Variants in AFG2A observed in about 807,000 individuals in gnomAD.
AFG2A encodes the protein AAA ATPase AFG2A.
the AFG2A span, among the ~76,000 whole-genome samples, chr4:123,000,393 G>C: frequency 2.0e-5 from 3 of 151,824 alleles, no homozygotes; most frequent in Non-Finnish European, 2.9e-5. Flanking sequence ...AGTTTTCAAA[G>C]GGAATGCTTC....
At chr4:122,988,309 T>C in the AFG2A span, among the ~76,000 whole-genome samples, 3 of 151,472 alleles carry the variant, frequency 2.0e-5, no homozygotes, top group African/African-American at 7.3e-5. Context: ...GGATTTAGAT[T>C]TGAATCCATA....
At chr4:123,307,358 C>G in the AFG2A span, among the ~76,000 whole-genome samples, 1 of 151,992 alleles carries the variant, frequency 6.6e-6, no homozygotes, top group Admixed American at 6.6e-5. Flanking sequence ...TGTGGTGGTC[C>G]CTGGGTTCAG....
chr4:123,063,311 T>A, the AFG2A span, among the ~76,000 whole-genome samples: 1 of 152,100 alleles, frequency 6.6e-6, no homozygotes. Flanking sequence ...CAGAGAAAAA[T>A]TTCATAAATT....
At chr4:123,297,727 A>AG in the AFG2A span, among the ~76,000 whole-genome samples, 2 of 151,388 alleles carry the variant, frequency 1.3e-5, no homozygotes, top group Non-Finnish European at 3.0e-5. Flanking sequence ...TCAAAAAAAA[A>AG]AAGAAAAGAA....
At chr4:122,951,719 C>T in the AFG2A span, among the ~76,000 whole-genome samples, 1 of 152,182 alleles carries the variant, frequency 6.6e-6, no homozygotes, top group African/African-American at 2.4e-5. Flanking sequence ...TGGCCTGTAT[C>T]ATCAATCCAG....
the AFG2A span, among the ~76,000 whole-genome samples, chr4:123,171,744 G>A: frequency 1.3e-5 from 2 of 152,006 alleles, no homozygotes; most frequent in Admixed American, 1.3e-4. Context: ...TTTAAAAATA[G>A]GGTTTTGCAA....
At chr4:123,057,277 T>C in the AFG2A span, 63 of 1,613,624 alleles carry the variant, frequency 3.9e-5, no homozygotes, top group Middle Eastern at 6.6e-4. Flanking sequence ...CCTTAGCAGT[T>C]GAAAGGGGCA....
chr4:122,966,845 C>A, the AFG2A span, among the ~76,000 whole-genome samples: 1 of 152,000 alleles, frequency 6.6e-6, no homozygotes, highest in African/African-American at 2.4e-5. Context: ...TTCTTGTGTA[C>A]CCTCATATGT....
At chr4:123,211,936 A>C in the AFG2A span, among the ~76,000 whole-genome samples, 1 of 152,316 alleles carries the variant, frequency 6.6e-6, no homozygotes, top group Non-Finnish European at 1.5e-5. Context: ...ATATCTTTCT[A>C]ATCATAGAAG....
the AFG2A span, among the ~76,000 whole-genome samples, chr4:123,194,139 C>T: frequency 6.6e-5 from 10 of 152,138 alleles, no homozygotes; most frequent in South Asian, 2.1e-4. Context: ...CTTGAAATGA[C>T]TTCAATCCCT....
the AFG2A span, among the ~76,000 whole-genome samples, chr4:123,017,334 A>C: frequency 1.3e-5 from 2 of 149,508 alleles, no homozygotes; most frequent in African/African-American, 4.9e-5. Flanking sequence ...TTATGGCACC[A>C]TAGTGAAACT....
chr4:122,990,620 G>C, the AFG2A span, among the ~76,000 whole-genome samples: 1 of 152,084 alleles, frequency 6.6e-6, no homozygotes, highest in African/African-American at 2.4e-5. Flanking sequence ...AGCTCTCTCT[G>C]TCTTCCATGC....
the AFG2A span, among the ~76,000 whole-genome samples, chr4:122,969,249 T>C: frequency 6.6e-6 from 1 of 152,046 alleles, no homozygotes; most frequent in African/African-American, 2.4e-5. Flanking sequence ...CTTACCTTCT[T>C]GATGCTTTTA....
the AFG2A span, among the ~76,000 whole-genome samples, chr4:123,257,269 C>G: frequency 6.6e-6 from 1 of 152,160 alleles, no homozygotes; most frequent in Admixed American, 6.5e-5. Flanking sequence ...CAACTTATGA[C>G]AGTTTGACTT....
At chr4:123,035,441 G>A in the AFG2A span, among the ~76,000 whole-genome samples, 62 of 151,738 alleles carry the variant, frequency 4.1e-4, no homozygotes, top group African/African-American at 1.3e-3. Flanking sequence ...TGCTTAAATC[G>A]GCAGTTATTA....
At chr4:122,971,971 A>AT in the AFG2A span, among the ~76,000 whole-genome samples, 2 of 151,754 alleles carry the variant, frequency 1.3e-5, no homozygotes, top group South Asian at 4.1e-4. Context: ...TTGACCTGTA[A>AT]TTTTTTTTCC....
At chr4:122,946,929 A>T in the AFG2A span, among the ~76,000 whole-genome samples, 1 of 152,074 alleles carries the variant, frequency 6.6e-6, no homozygotes, top group African/African-American at 2.4e-5. Flanking sequence ...TATGAGAATG[A>T]TACAGTTAAG....
the AFG2A span, among the ~76,000 whole-genome samples, chr4:123,106,041 T>C: frequency 6.6e-6 from 1 of 152,166 alleles, no homozygotes; most frequent in Non-Finnish European, 1.5e-5. Context: ...GAAGAGTCAG[T>C]CGATGTGGCA....
chr4:122,950,375 T>C, the AFG2A span, among the ~76,000 whole-genome samples: 3 of 152,018 alleles, frequency 2.0e-5, no homozygotes, highest in African/African-American at 7.2e-5. Context: ...GTTTCGCTCT[T>C]GTTGCCCAGA....
Sources: gnomAD v4.1 joint callset for allele counts (sites outside exome capture counted in the v4.1 genomes callset) on GRCh38, gnomAD v4.1.1 for gene constraint, MANE v1.5 for transcripts, NCBI Gene and HGNC (gene_info 2026-07-23, HGNC 2026-07-21) for gene names.